The following DSCAML1 variants were observed in gnomAD, a reference collection of about 807,000 sequenced individuals.
DSCAML1 encodes the protein cell adhesion molecule DSCAML1.
DSCAML1 carries 38 observed loss-of-function variants against 200.5 expected under a neutral mutation model. That is an observed-to-expected ratio of 0.19 (90% confidence interval 0.15 to 0.25). DSCAML1 has a LOEUF of 0.25. Ranked by LOEUF, DSCAML1 falls within the 10% of genes least tolerant of loss-of-function variation. The pLI is 1.00. For synonymous variants in DSCAML1, 1,215 were observed against 1,165.0 expected, an observed-to-expected ratio of 1.04 and a Z score of -0.87; for missense variants, 2,223 against 2,858.8, an observed-to-expected ratio of 0.78 and a Z score of 5.07.
intron 11 of DSCAML1, among the ~76,000 whole-genome samples, chr11:117,501,801 CTGTGTAAGAAAGG>C: frequency 6.6e-6 from 1 of 152,170 alleles, no homozygotes; most frequent in East Asian, 1.9e-4. Flanking sequence ...GAGACAGCAG[CTGTGTAAGAAAGG>C]TGTGTCGCTA....
chr11:117,602,247 C>T (rs1237728046), intron 3 of DSCAML1, among the ~76,000 whole-genome samples: 1 of 152,236 alleles, frequency 6.6e-6, no homozygotes, highest in African/African-American at 2.4e-5. Context: ...AAGAATGCTC[C>T]CTTTGCTCCA....
At chr11:117,774,270 G>T (rs1049258038) in intron 3 of DSCAML1, among the ~76,000 whole-genome samples, 10 of 152,328 alleles carry the variant, frequency 6.6e-5, no homozygotes, top group Admixed American at 2.0e-4. Context: ...ATGTGTGGAT[G>T]AGAACAATCC....
At position 117,787,267 on chromosome 11, in the gene DSCAML1, G is replaced by C. The variant is rs182439845; in HGVS notation, c.47-6457C>G. The stretch of plus-strand genomic sequence containing the variant: ...TTGGACGAGTTAATATATATGAAGA[G>C]CTTGGGACAGTTTCTGCTTTATGTA... On this transcript the variant is annotated intron_variant, in intron 1 of 32. Coordinates refer to ENST00000651296, the MANE Select transcript of DSCAML1 (RefSeq NM_020693.4). Among the ~76,000 whole-genome samples the C allele has an allele frequency of 1.6e-4, 24 of 152,258 alleles. 1 individual carries two copies. Among genetic ancestry groups the C allele is most frequent in the Admixed American group, 1.3e-3 (20 of 15,300 alleles).
At chr11:117,568,215 G>A (rs2050788813) in intron 3 of DSCAML1, among the ~76,000 whole-genome samples, 1 of 152,262 alleles carries the variant, frequency 6.6e-6, no homozygotes, top group South Asian at 2.1e-4. Context: ...GTATTGATGG[G>A]ATGTATCTCA....
rs2054011926 is a variant in DSCAML1 at position 117,719,630 on chromosome 11, A to T, written c.511+57161T>A. ...GGGGATCAGGTACTGTTGTCTTTACAACTCAATTATTATACCCATTTTATA... is the reference window on the plus strand; with the variant it reads ...GGGGATCAGGTACTGTTGTCTTTACTACTCAATTATTATACCCATTTTATA... On this transcript the variant is annotated intron_variant, in intron 3 of 32. Coordinates refer to ENST00000651296, the MANE Select transcript of DSCAML1 (RefSeq NM_020693.4). Among the ~76,000 whole-genome samples, 4 of 152,340 alleles carry T rather than the reference A, an allele frequency of 2.6e-5. No homozygotes were observed. In the South Asian group the frequency reaches 8.3e-4, roughly 32 times the overall value.
At chr11:117,702,484 T>C (rs1296776652) in intron 3 of DSCAML1, among the ~76,000 whole-genome samples, 1 of 152,078 alleles carries the variant, frequency 6.6e-6, no homozygotes, top group Non-Finnish European at 1.5e-5. Context: ...CTCTTTCAGT[T>C]TGATCTAGAC....
chr11:117,520,998 G>T, intron 6 of DSCAML1, 132 bp downstream of exon 6: 1 of 1,225,152 alleles, frequency 8.2e-7, no homozygotes, highest in Non-Finnish European at 1.1e-6. Flanking sequence ...CTTAGGGTGA[G>T]ATGGTGCACC....
chr11:117,439,425 C>T lies in DSCAML1; in HGVS notation c.3985G>A (p.Asp1329Asn). ...PAVKWTKDSE[D>N]SAIPVSMDGH... The stretch of plus-strand genomic sequence containing the variant: ...TCCATGGACACTGGAATGGCCGAGT[C>T]TTCACTGCCAGGGGCGAGGATGGGG... The change falls in exon 23 of 33, where the codon GAC (aspartate) becomes AAC (asparagine). Residue 1329 changes from aspartate (D) to asparagine (N), a missense_variant. This residue lies in a region of DSCAML1 where 614 missense variants were observed against 739.1 expected (regional missense o/e 0.83). Transcript: ENST00000651296. 3.1e-6 allele frequency: 5 copies of T among 1,612,306 alleles called. No individual in the cohort carries two copies. Among genetic ancestry groups the T allele is most frequent in the Non-Finnish European group, 4.2e-6 (5 of 1,179,552 alleles).
chr11:117,514,690 C>T (rs1460890456), intron 8 of DSCAML1, among the ~76,000 whole-genome samples: 2 of 140,454 alleles, frequency 1.4e-5, no homozygotes, highest in East Asian at 2.4e-4. Flanking sequence ...TCAAGTTATT[C>T]TCCTGCTTCT....
In DSCAML1 at chr11:117,469,996, G is replaced by A. The variant is rs1221898346; in HGVS notation, c.2954-16C>T. The stretch of plus-strand genomic sequence containing the variant: ...CCATCGGGAGCTGAGCAGGGTAGCG[G>A]GGAGGAGAAACATTACAAGTCAAGA... On this transcript the variant is annotated splice_polypyrimidine_tract_variant and intron_variant, in intron 15 of 32. Coordinates refer to ENST00000651296, the MANE Select transcript of DSCAML1 (RefSeq NM_020693.4). This position sits in a 1 kb window ranked among gnomAD's most constrained non-coding sequence, Gnocchi z 4.1. 1.3e-6 allele frequency: 2 copies of A among 1,583,506 alleles called. No individual in the cohort carries two copies. The highest frequency in any genetic ancestry group is 1.7e-5 in the Admixed American group (1 of 58,382).
chr11:117,627,286 CTCT>C (rs753962627), intron 3 of DSCAML1, among the ~76,000 whole-genome samples: 6 of 152,170 alleles, frequency 3.9e-5, no homozygotes, highest in Non-Finnish European at 7.3e-5. Flanking sequence ...GTAACCCCGC[CTCT>C]TCTTCTCCCT....
intron 4 of DSCAML1, among the ~76,000 whole-genome samples, chr11:117,525,450 G>A (rs1366219477): frequency 6.6e-6 from 1 of 151,826 alleles, no homozygotes; most frequent in African/African-American, 2.4e-5. Context: ...CCCACGGAGA[G>A]TCCCTGGCTT....
chr11:117,769,081 A>G (rs1427231917), intron 3 of DSCAML1, among the ~76,000 whole-genome samples: 2 of 128,712 alleles, frequency 1.6e-5, no homozygotes, highest in Non-Finnish European at 3.1e-5. Context: ...TATATAATCT[A>G]TATATAATAT....
In DSCAML1 at chr11:117,505,107, C is replaced by T. The variant is rs1163220018; in HGVS notation, c.2063-64G>A. On this transcript the variant is annotated intron_variant, in intron 9 of 32. Coordinates refer to ENST00000651296, the MANE Select transcript of DSCAML1 (RefSeq NM_020693.4). The surrounding 1 kb of genome is among the most constrained non-coding windows in gnomAD (Gnocchi z 6.7). ...GTCTCTGATGGGTCTCCTAGGGCTTCGAGCACCTTCTGTTTGAGGTCAGCC... is the reference window on the plus strand; with the variant it reads ...GTCTCTGATGGGTCTCCTAGGGCTTTGAGCACCTTCTGTTTGAGGTCAGCC... The T allele has an allele frequency of 1.1e-5, 17 of 1,566,446 alleles. No homozygotes were observed. The highest frequency in any genetic ancestry group is 5.3e-5 in the Admixed American group (3 of 56,912).
rs2052433728 is a variant in DSCAML1 at position 117,642,549 on chromosome 11, C to T, written c.512-110027G>A. Among the ~76,000 whole-genome samples the T allele has an allele frequency of 6.6e-6, 1 of 152,208 alleles. No homozygotes were observed. The highest frequency in any genetic ancestry group is 6.5e-5 in the Admixed American group (1 of 15,288). ...GAGAGCAGGGGCACCAGGTGCCTGG[C>T]GAGGGGCTGGAAGGAGCAATGGTGA... On this transcript the variant is annotated intron_variant, in intron 3 of 32. Coordinates refer to ENST00000651296, the MANE Select transcript of DSCAML1 (RefSeq NM_020693.4). This position sits in a 1 kb window ranked among gnomAD's most constrained non-coding sequence, Gnocchi z 4.1.
intron 2 of DSCAML1, among the ~76,000 whole-genome samples, chr11:117,778,852 G>A (rs1173341205): frequency 6.6e-6 from 1 of 152,220 alleles, no homozygotes; most frequent in African/African-American, 2.4e-5. Flanking sequence ...ATTAGGGGTT[G>A]AGCCGTGCAA....
intron 15 of DSCAML1, among the ~76,000 whole-genome samples, chr11:117,471,505 A>G (rs538079): frequency 0.57 from 86,616 of 152,078 alleles, 25,811 homozygotes; most frequent in African/African-American, 0.72. Flanking sequence ...ATGATAACAA[A>G]AGAAAACATA....
intron 3 of DSCAML1, among the ~76,000 whole-genome samples, chr11:117,639,401 T>C (rs1286825176): frequency 4.0e-5 from 5 of 124,482 alleles, no homozygotes; most frequent in Admixed American, 1.6e-4. Flanking sequence ...GATGGGAGGC[T>C]GGATGGGTAG....
At chr11:117,656,749 C>T (rs910441375) in intron 3 of DSCAML1, among the ~76,000 whole-genome samples, 1 of 152,082 alleles carries the variant, frequency 6.6e-6, no homozygotes, top group East Asian at 1.9e-4. Flanking sequence ...CTGTGCAGCC[C>T]CTGAAGAACA....
Sources: gnomAD v4.1 joint callset for allele counts (sites outside exome capture counted in the v4.1 genomes callset) on GRCh38, gnomAD v4.1.1 for gene constraint, gnomAD v4.1.1 regional missense constraint, Gnocchi (gnomAD v3.1) non-coding constraint, MANE v1.5 for transcripts, NCBI Gene and HGNC (gene_info 2026-07-23, HGNC 2026-07-21) for gene names.